The following SPG11 variants were observed in gnomAD, a reference collection of about 807,000 sequenced individuals.
The protein encoded by SPG11 is SPG11 vesicle trafficking associated, spatacsin, also known as spatacsin.
SPG11 carries 222 observed loss-of-function variants against 274.0 expected under a neutral mutation model. The ratio of observed to expected loss-of-function variants is 0.81; its 90% CI spans 0.73 to 0.91. The LOEUF (loss-of-function observed/expected upper bound fraction) is 0.91, where lower values mean the gene tolerates loss of function less well. Among genes scored for constraint, SPG11 ranks in the 40% least tolerant of loss-of-function variants. The pLI, the probability that SPG11 is intolerant of heterozygous loss-of-function variation, is 0.00. For synonymous variants in SPG11, 1,144 were observed against 1,039.7 expected (o/e 1.10, Z -1.93); for missense variants, 3,114 against 2,872.7 (o/e 1.08, Z -1.92).
In SPG11 at chr15:44,615,476, G is replaced by C. The variant is rs1241013136; in HGVS notation, c.2925C>G (p.Leu975=). The C allele has an allele frequency of 6.2e-7, 1 of 1,613,892 alleles. No homozygotes were observed. The highest frequency in any genetic ancestry group is 8.5e-7 in the Non-Finnish European group (1 of 1,179,944). ...SRIGGVIQDT[L]PVQNYKTKEG... Reference sequence around the variant, plus strand: ...CTTTGGTCTTGTAGTTTTGAACAGGGAGGGTATCCTGTATTACACCTCCAA... The same window carrying C: ...CTTTGGTCTTGTAGTTTTGAACAGGCAGGGTATCCTGTATTACACCTCCAA... The change falls in exon 16 of 40, where the codon CTC becomes CTG. Residue 975 remains leucine, a synonymous_variant. Coordinates refer to ENST00000261866, the MANE Select transcript of SPG11 (RefSeq NM_025137.4).
intron 7 of SPG11, among the ~76,000 whole-genome samples, chr15:44,639,256 C>T (rs1408077236): frequency 6.7e-6 from 1 of 148,448 alleles, no homozygotes; most frequent in Middle Eastern, 3.4e-3. Context: ...TCTTAAAACA[C>T]ACACACACAC....
At chr15:44,639,280 C>CA (rs1159360600) in intron 7 of SPG11, among the ~76,000 whole-genome samples, 5 of 128,754 alleles carry the variant, frequency 3.9e-5, no homozygotes, top group Non-Finnish European at 7.5e-5. Context: ...AAGAGATACA[C>CA]ACACACACAC....
In SPG11 at chr15:44,591,859, C is replaced by T. The variant is rs899055059; in HGVS notation, c.4743+472G>A. ...GTGCAGTGGCTTACGCCTGTAATCC[C>T]AGCACTTCAGGAGGCTGAAGTGGGT... is the stretch of plus-strand genomic sequence containing the variant. On this transcript the variant is annotated intron_variant, in intron 27 of 39. Coordinates refer to ENST00000261866, the MANE Select transcript of SPG11 (RefSeq NM_025137.4). Among the ~76,000 whole-genome samples the T allele has an allele frequency of 9.9e-5, 15 of 152,208 alleles. 1 individual carries two copies. The highest frequency in any genetic ancestry group is 7.9e-4 in the Admixed American group (12 of 15,274).
rs1384425650 is a variant in SPG11 at position 44,563,039 on chromosome 15, A to G, written c.*82T>C. The stretch of plus-strand genomic sequence containing the variant: ...GTACCGGGATTGTTCAACTTTAGCA[A>G]AGATCTCCAATGCATTCTTCTTCTC... On this transcript the variant is annotated 3_prime_UTR_variant, in exon 40 of 40. Coordinates refer to ENST00000261866, the MANE Select transcript of SPG11 (RefSeq NM_025137.4). The G allele has an allele frequency of 9.2e-6, 13 of 1,415,702 alleles. No homozygotes were observed. The highest frequency in any genetic ancestry group is 1.4e-5 in the African/African-American group (1 of 70,852). The allele number at this position is 1,415,702 out of a possible 1,614,324, so 87.7% of individuals were successfully genotyped here.
chr15:44,649,764 G>A (rs892303108), intron 6 of SPG11, among the ~76,000 whole-genome samples: 3 of 151,568 alleles, frequency 2.0e-5, no homozygotes, highest in Non-Finnish European at 2.9e-5. Context: ...GTGTGGTGGC[G>A]GGCACCTGTA....
rs763340583 is a variant in SPG11, at chr15:44,659,129, G to C, written c.617C>G (p.Thr206Arg). The change falls in exon 3 of 40, where the codon ACG becomes AGG. Residue 206 changes from threonine to arginine, a missense_variant. Transcript: ENST00000261866. Reference protein sequence around the residue: ...PAQAVDMIIDTQLCRGILFVL... With the variant: ...PAQAVDMIIDRQLCRGILFVL... ...AAAAAGAATTCCTCTGCAGAGCTGC[G>C]TGTCAATAATCATGTCCACTGCCTG... The C allele has an allele frequency of 6.2e-7, 1 of 1,614,072 alleles. No homozygotes were observed. The highest frequency in any genetic ancestry group is 8.5e-7 in the Non-Finnish European group (1 of 1,180,054).
In SPG11 at chr15:44,659,178, A is replaced by G. The variant is rs767712066; in HGVS notation, c.568T>C (p.Cys190Arg). Residue 190 changes from cysteine (C) to arginine (R), a missense_variant, in exon 3 of 40, where the codon TGT (cysteine) becomes CGT (arginine). Cys to Arg is a radical substitution (Grantham distance 180). Transcript: ENST00000261866. ...TGTGCAGGCAAGGGAAGTGTGAAAC[A>G]GTTGAGTACTCTAATTGCAGCATCT... ...ERDAAIRVLN[C>R]FTLPLPAQAV... 1.9e-6 allele frequency: 3 copies of G among 1,614,116 alleles called. No individual in the cohort carries two copies. Among genetic ancestry groups the G allele is most frequent in the Admixed American group, 3.3e-5 (2 of 60,012 alleles).
intron 20 of SPG11, among the ~76,000 whole-genome samples, chr15:44,601,449 T>C (rs2083186019): frequency 1.3e-5 from 2 of 151,890 alleles, no homozygotes; most frequent in African/African-American, 2.4e-5. Flanking sequence ...TTGGTAGAGA[T>C]GAGATTTCAC....
intron 34 of SPG11, among the ~76,000 whole-genome samples, chr15:44,569,743 G>A (rs1202752934): frequency 2.0e-5 from 3 of 149,324 alleles, no homozygotes; most frequent in Non-Finnish European, 4.4e-5. Context: ...TTGAGATGGA[G>A]TCTTGCTCTG....
At chr15:44,601,360 A>G (rs1302675158) in intron 20 of SPG11, among the ~76,000 whole-genome samples, 1 of 151,736 alleles carries the variant, frequency 6.6e-6, no homozygotes, top group Middle Eastern at 3.2e-3. Flanking sequence ...TCCTGGGCTC[A>G]GGTGATCCTC....
At position 44,574,934 on chromosome 15, in the gene SPG11, G is replaced by A. The variant is rs200793464; in HGVS notation, c.5974C>T (p.Arg1992Ter). The change falls in exon 31 of 40, where the codon CGA becomes TGA. Residue 1992 changes from arginine (R) to a stop codon, truncating the protein, a stop_gained. Coordinates refer to ENST00000261866, the MANE Select transcript of SPG11 (RefSeq NM_025137.4). LOFTEE classifies it high-confidence loss of function. ...SKCLHGKNYCRQVLCLYDLAK... is the reference protein window; with the variant it reads ...SKCLHGKNYC ...AGATCATACAGACAGAGGACCTGTC[G>A]ACAGTAGTTCTTCCCATGGAGGCAT... is the stretch of plus-strand genomic sequence containing the variant. 7 of 1,613,978 alleles carry A rather than the reference G, an allele frequency of 4.3e-6. No individual in the cohort carries two copies. Among genetic ancestry groups the A allele is most frequent in the East Asian group, 2.2e-5 (1 of 44,876 alleles).
chr15:44,564,616 A>C lies in SPG11; in HGVS notation c.7082T>G (p.Phe2361Cys). The part of the protein sequence containing the change: ...LYQQVILKGD[F>C]NYLEEFKQQR... ...CTGCTTAAATTCTTCCAAGTAATTA[A>C]AGTCTCCTTTAAGAATCACTTGCTG... Residue 2361 changes from phenylalanine to cysteine, a missense_variant, in exon 39 of 40, where the codon TTT (phenylalanine) becomes TGT (cysteine). By Grantham distance (205) the Phe-to-Cys change is radical. Transcript: ENST00000261866. 1.9e-6 allele frequency: 3 copies of C among 1,614,038 alleles called. No individual in the cohort carries two copies. The highest frequency in any genetic ancestry group is 2.5e-6 in the Non-Finnish European group (3 of 1,179,882).
chr15:44,625,648 A>G (rs1228155032), intron 11 of SPG11, among the ~76,000 whole-genome samples: 1 of 151,944 alleles, frequency 6.6e-6, no homozygotes, highest in Non-Finnish European at 1.5e-5. Context: ...TTTTCTTTCT[A>G]AATTACCCAG....
At chr15:44,596,695 T>G in intron 24 of SPG11, 89 bp downstream of exon 24, 3 of 568,532 alleles carry the variant, frequency 5.3e-6, no homozygotes, top group Non-Finnish European at 6.3e-6. Context: ...AAAAAAGGCC[T>G]ATGTCATGTC....
Position 44,611,123 on chromosome 15 carries a change from C to T in SPG11, c.3146-138G>A, listed in dbSNP as rs1337456887. ...AAAAAAAAAAAAAAAAAAAGGACTT[C>T]CTAAATTTAAAAGCAATGGGAAAAC... On this transcript the variant is annotated intron_variant, in intron 17 of 39. Transcript: ENST00000261866. 4 of 746,218 alleles carry T rather than the reference C, an allele frequency of 5.4e-6. No homozygotes were observed. The Admixed American group carries it at 1.3e-4, about 23-fold the overall frequency. 46.2% of individuals were successfully genotyped at this position (746,218 alleles called of 1,614,324 possible).
At position 44,601,706 on chromosome 15, in the gene SPG11, G is replaced by A. The variant is rs554591801; in HGVS notation, c.3521-1074C>T. On this transcript the variant is annotated intron_variant, in intron 20 of 39. Transcript: ENST00000261866. ...CTAAGTAGCTAGGACTTAGAGGCAC[G>A]TGCCACCACACCTAGCTAATTTTTG... Among the ~76,000 whole-genome samples, 8 of 151,768 alleles carry A rather than the reference G, an allele frequency of 5.3e-5. No individual in the cohort carries two copies. The South Asian group carries it at 6.3e-4, about 12-fold the overall frequency.
At chr15:44,595,132 TA>T in intron 26 of SPG11, 126 bp downstream of exon 26, 1 of 953,012 alleles carries the variant, frequency 1.0e-6, no homozygotes, top group Non-Finnish European at 1.6e-6. Flanking sequence ...GTGGTACTTC[TA>T]ATATTATCAT....
At chr15:44,658,162 A>G (rs1008135944) in intron 3 of SPG11, among the ~76,000 whole-genome samples, 1 of 152,266 alleles carries the variant, frequency 6.6e-6, no homozygotes, top group Non-Finnish European at 1.5e-5. Context: ...CCTGGCAACA[A>G]TAATTGTTAA....
chr15:44,591,552 C>A (rs1378326235), intron 27 of SPG11, among the ~76,000 whole-genome samples: 1 of 152,194 alleles, frequency 6.6e-6, no homozygotes, highest in Non-Finnish European at 1.5e-5. Context: ...AGGTAGCCAA[C>A]TGGCCATAGG....
Sources: gnomAD v4.1 joint callset for allele counts (sites outside exome capture counted in the v4.1 genomes callset) on GRCh38, gnomAD v4.1.1 for gene constraint, MANE v1.5 for transcripts, NCBI Gene and HGNC (gene_info 2026-07-23, HGNC 2026-07-21) for gene names.